Variants in STAT4 observed in about 807,000 individuals in gnomAD.
STAT4 encodes the protein signal transducer and activator of transcription 4.
A neutral mutation model predicts 110.5 loss-of-function variants in STAT4; 42 were observed. The ratio of observed to expected loss-of-function variants is 0.38; its 90% CI spans 0.30 to 0.49. The LOEUF is 0.49. STAT4 is among the 20% of genes least tolerant of loss of function. The pLI, the probability that STAT4 is intolerant of heterozygous loss-of-function variation, is 0.95. For missense variants in STAT4, 632 were observed against 887.9 expected (o/e 0.71, Z 3.66); for synonymous variants, 284 against 302.2 (o/e 0.94, Z 0.63).
At chr2:191,137,063 A>G (rs1402689297) in intron 3 of STAT4, among the ~76,000 whole-genome samples, 2 of 152,124 alleles carry the variant, frequency 1.3e-5, no homozygotes, top group African/African-American at 4.8e-5. Flanking sequence ...GAAGAGGGCC[A>G]GGTGCGGTGT....
rs1414953662 is a variant in STAT4, at chr2:191,060,456, T to C, written c.1034+1273A>G. On this transcript the variant is annotated intron_variant, in intron 10 of 23. Transcript: ENST00000392320. This position sits in a 1 kb window ranked among gnomAD's most constrained non-coding sequence, Gnocchi z 4.5. ...TTTTTGAGATGGAGTCTTGCTGTTG[T>C]TGCCCAGCCTGAAGTGCAGTGGCGT... Among the ~76,000 whole-genome samples, 1 of 152,236 alleles carries C rather than the reference T, an allele frequency of 6.6e-6. No individual in the cohort carries two copies.
chr2:191,102,835 T>C (rs1698180082), intron 3 of STAT4, among the ~76,000 whole-genome samples: 3 of 152,184 alleles, frequency 2.0e-5, no homozygotes, highest in Admixed American at 6.5e-5. Context: ...CATTCGCTTT[T>C]GTGTCCATCA....
At position 191,146,754 on chromosome 2, in the gene STAT4, C is replaced by A; in HGVS notation, c.132G>T (p.Glu44Asp). 1.3e-6 allele frequency: 2 copies of A among 1,533,824 alleles called. No homozygotes were observed. Among genetic ancestry groups the A allele is most frequent in the Non-Finnish European group, 8.7e-7 (1 of 1,145,004 alleles). Reference sequence around the variant, plus strand: ...CCATGGTTTCATTGTTAGAAGCTGCCTCCCTAAAAAAAAAAAGGATTATTA... The same window carrying A: ...CCATGGTTTCATTGTTAGAAGCTGCATCCCTAAAAAAAAAAAGGATTATTA... Reference protein sequence around the residue: ...LAQWIENQDWEAASNNETMAT... With the variant: ...LAQWIENQDWDAASNNETMAT... The change falls in exon 3 of 24, where the codon GAG becomes GAT. Residue 44 changes from glutamate (E) to aspartate (D), a missense_variant. Glu to Asp is a conservative substitution (Grantham distance 45). Around this residue, in one of 4 missense-constraint regions of STAT4, gnomAD observed 488 missense variants for 632.8 expected, o/e 0.77. Transcript: ENST00000392320. This position sits in a 1 kb window ranked among gnomAD's most constrained non-coding sequence, Gnocchi z 4.5.
intron 14 of STAT4, among the ~76,000 whole-genome samples, chr2:191,045,846 T>C (rs1421516509): frequency 6.6e-6 from 1 of 152,220 alleles, no homozygotes; most frequent in Non-Finnish European, 1.5e-5. Flanking sequence ...ATAAACATTC[T>C]GCTTAAAAAT....
Position 191,144,075 on chromosome 2 carries a change from T to A in STAT4, c.273+2538A>T, listed in dbSNP as rs1699401191. Among the ~76,000 whole-genome samples, 1 of 152,146 alleles carries A rather than the reference T, an allele frequency of 6.6e-6. No individual in the cohort carries two copies. The highest frequency in any genetic ancestry group is 2.1e-4 in the South Asian group (1 of 4,826). On this transcript the variant is annotated intron_variant, in intron 3 of 23. Coordinates refer to ENST00000392320, the MANE Select transcript of STAT4 (RefSeq NM_003151.4). The surrounding 1 kb of genome is among the most constrained non-coding windows in gnomAD (Gnocchi z 4.7). Reference sequence around the variant, plus strand: ...GTTTTTTTCAACTCAAATATCTTAATTCACCAAATTGTTTTTTGAATTCCT... The same window carrying A: ...GTTTTTTTCAACTCAAATATCTTAAATCACCAAATTGTTTTTTGAATTCCT...
intron 13 of STAT4, among the ~76,000 whole-genome samples, chr2:191,057,565 G>C (rs947661449): frequency 2.8e-5 from 4 of 145,074 alleles, no homozygotes; most frequent in Non-Finnish European, 4.6e-5. Flanking sequence ...TCTCAGCATG[G>C]TTCCTAATTT....
chr2:191,137,556 G>A (rs2125436350), intron 3 of STAT4, among the ~76,000 whole-genome samples: 1 of 152,084 alleles, frequency 6.6e-6, no homozygotes, highest in East Asian at 1.9e-4. Context: ...AGCCTGAAGA[G>A]CCAAAGCAAT....
rs746833868 is a variant in STAT4, at chr2:191,031,431, T to A, written c.2111+19A>T. 1.2e-6 allele frequency: 2 copies of A among 1,606,306 alleles called. No individual in the cohort carries two copies. The highest frequency in any genetic ancestry group is 4.5e-5 in the East Asian group (2 of 44,772). The stretch of plus-strand genomic sequence containing the variant: ...AAGCTTTTTATAAAAATATTTCACA[T>A]GTGACTAACATTACTCACATTGTTG... On this transcript the variant is annotated intron_variant, in intron 22 of 23. Transcript: ENST00000392320. The surrounding 1 kb of genome is among the most constrained non-coding windows in gnomAD (Gnocchi z 4.8).
At position 191,146,645 on chromosome 2, in the gene STAT4, G is replaced by C; in HGVS notation, c.241C>G (p.His81Asp). The change falls in exon 3 of 24, where the codon CAC (histidine) becomes GAC (aspartate). Residue 81 changes from histidine (H) to aspartate (D), a missense_variant. Transcript: ENST00000392320. This position sits in a 1 kb window ranked among gnomAD's most constrained non-coding sequence, Gnocchi z 4.5. ...VSKEKNLLLI[H>D]NLKRIRKVLQ... ...ACCTTCCTAATTCTTTTTAGATTGT[G>C]TATCAAGAGTAGGTTTTTCTCTTTG... The C allele has an allele frequency of 1.3e-6, 2 of 1,581,738 alleles. No individual in the cohort carries two copies. Among genetic ancestry groups the C allele is most frequent in the Non-Finnish European group, 1.7e-6 (2 of 1,165,488 alleles).
At chr2:191,096,211 T>A (rs1697976716) in intron 3 of STAT4, among the ~76,000 whole-genome samples, 1 of 152,194 alleles carries the variant, frequency 6.6e-6, no homozygotes, top group Non-Finnish European at 1.5e-5. Flanking sequence ...CTGGTACCAT[T>A]CCTTCTGAAA....
Position 191,048,788 on chromosome 2 carries a change from C to CAA in STAT4, c.1251+5700_1251+5701dup, listed in dbSNP as rs60267174. Among the ~76,000 whole-genome samples the CAA allele has an allele frequency of 1.0e-4, 5 of 48,794 alleles. 1 individual carries two copies. The highest frequency in any genetic ancestry group is 4.0e-4 in the African/African-American group (4 of 9,932). 32.0% of individuals were successfully genotyped at this position (48,794 alleles called of 152,430 possible). A position where few individuals can be genotyped will look rare whatever the true frequency, so the allele number is the denominator to read the frequency against. On this transcript the variant is annotated intron_variant, in intron 14 of 23. Coordinates refer to ENST00000392320, the MANE Select transcript of STAT4 (RefSeq NM_003151.4). ...GCAACAAGAGTGAGAAACTCCATCT[C>CAA]AAAAAAAAAAAAAAAAAAAAAAAAA...
rs1574695383 is a variant in STAT4 at position 191,035,876 on chromosome 2, C to T, written c.1570+288G>A. Among the ~76,000 whole-genome samples, 1 of 152,154 alleles carries T rather than the reference C, an allele frequency of 6.6e-6. No homozygotes were observed. The highest frequency in any genetic ancestry group is 2.1e-4 in the South Asian group (1 of 4,834). On this transcript the variant is annotated intron_variant, in intron 17 of 23. Transcript: ENST00000392320. The surrounding 1 kb of genome is among the most constrained non-coding windows in gnomAD (Gnocchi z 4.7). ...GGGCTTTAGACCTGGACAGGTCTGG[C>T]CTGTGGCTTGGTGCTGCTGTGTACT...
chr2:191,047,807 G>A (rs565152136), intron 14 of STAT4, among the ~76,000 whole-genome samples: 133 of 152,142 alleles, frequency 8.7e-4, no homozygotes, highest in Non-Finnish European at 1.4e-3. Context: ...CTGGGACTAT[G>A]GGCGTGCGCC....
rs1284745406 is a variant in STAT4, at chr2:191,033,334, G to A, written c.1852+156C>T. 6.6e-6 allele frequency among the ~76,000 whole-genome samples: 1 copy of A among 152,158 alleles called. No individual in the cohort carries two copies. The highest frequency in any genetic ancestry group is 2.4e-5 in the African/African-American group (1 of 41,442). On this transcript the variant is annotated intron_variant, in intron 20 of 23. Coordinates refer to ENST00000392320, the MANE Select transcript of STAT4 (RefSeq NM_003151.4). The surrounding 1 kb of genome is among the most constrained non-coding windows in gnomAD (Gnocchi z 6.9). ...TACGATAGACTTTTTGGAATTCATA[G>A]GTACCCTGTTCTGAGACAACTGCAA...
At chr2:191,034,208 G>T (rs766974579) in intron 18 of STAT4, among the ~76,000 whole-genome samples, 13 of 152,082 alleles carry the variant, frequency 8.5e-5, no homozygotes, top group Non-Finnish European at 1.5e-4. Flanking sequence ...AGATTATGAG[G>T]TCAGGAGATT....
At chr2:191,111,759 G>C (rs993624632) in intron 3 of STAT4, among the ~76,000 whole-genome samples, 10 of 152,174 alleles carry the variant, frequency 6.6e-5, no homozygotes, top group Non-Finnish European at 1.2e-4. Context: ...CTCTCAAGAG[G>C]CTGAGTGGGA....
Position 191,068,913 on chromosome 2 carries a change from C to T in STAT4, c.544+780G>A, listed in dbSNP as rs929262942. 3.3e-5 allele frequency among the ~76,000 whole-genome samples: 5 copies of T among 152,110 alleles called. No homozygotes were observed. In the South Asian group the frequency reaches 6.2e-4, roughly 19 times the overall value. ...TCTCTTCCCCTTCATTTTTAAAAAA[C>T]ACCTAGTTGTAAACAATTTCAGTGT... On this transcript the variant is annotated intron_variant, in intron 6 of 23. Coordinates refer to ENST00000392320, the MANE Select transcript of STAT4 (RefSeq NM_003151.4).
In STAT4 at chr2:191,046,598, A is replaced by C. The variant is rs1405320812; in HGVS notation, c.1252-5450T>G. Among the ~76,000 whole-genome samples, 1 of 152,176 alleles carries C rather than the reference A, an allele frequency of 6.6e-6. No individual in the cohort carries two copies. The highest frequency in any genetic ancestry group is 1.5e-5 in the Non-Finnish European group (1 of 68,032). On this transcript the variant is annotated intron_variant, in intron 14 of 23. Transcript: ENST00000392320. The surrounding 1 kb of genome is among the most constrained non-coding windows in gnomAD (Gnocchi z 4.6). ...GAGCACATTGCCTTAACCCCACAGA[A>C]GACTTTCTTTGTAGGGAGGACTGCA...
At chr2:191,133,220 C>T (rs7574909) in intron 3 of STAT4, among the ~76,000 whole-genome samples, 102,776 of 150,704 alleles carry the variant, frequency 0.68, 35,693 homozygotes, top group South Asian at 0.78. Context: ...TTTTTTGATC[C>T]GATATTCCTA....
Sources: allele counts gnomAD v4.1 joint callset (sites outside exome capture counted in the v4.1 genomes callset), GRCh38; gene constraint gnomAD v4.1.1; regional missense constraint gnomAD v4.1.1; non-coding constraint Gnocchi (gnomAD v3.1); transcripts MANE v1.5; gene names NCBI Gene and HGNC (gene_info 2026-07-23, HGNC 2026-07-21).